Variants in SLC13A1 observed in about 807,000 individuals in gnomAD.
The protein encoded by SLC13A1 is solute carrier family 13 member 1, also known as Na(+)/sulfate cotransporter.
Under a neutral mutation model 70.0 loss-of-function variants are expected in SLC13A1, and 65 were observed. That is an observed-to-expected ratio of 0.93 (90% CI 0.76 to 1.14). The LOEUF (loss-of-function observed/expected upper bound fraction) is 1.14, where lower values mean the gene tolerates loss of function less well. SLC13A1 is among the 50% of genes most tolerant of loss of function. The probability of loss-of-function intolerance (pLI) is 0.00; values close to 1 mark genes in which losing one functional copy is unlikely to be tolerated. For synonymous variants in SLC13A1, 275 were observed against 250.5 expected, an observed-to-expected ratio of 1.10 and a Z score of -0.92; for missense variants, 726 against 717.8, an observed-to-expected ratio of 1.01 and a Z score of -0.13.
In SLC13A1 at chr7:123,183,337, CTG is replaced by C. The variant is rs946663240; in HGVS notation, c.100-2238_100-2237del. Among the ~76,000 whole-genome samples, 57 of 152,142 alleles carry C rather than the reference CTG, an allele frequency of 3.7e-4. 1 individual carries two copies. The highest frequency in any genetic ancestry group is 1.3e-3 in the African/African-American group (55 of 41,442). On this transcript the variant is annotated intron_variant, in intron 1 of 14. Coordinates refer to ENST00000194130, the MANE Select transcript of SLC13A1 (RefSeq NM_022444.4). ...TGAATTCCTGCCTTCTCTTAACAAA[CTG>C]AGATATTTGGTAACACTGGGATCAT...
At position 123,128,930 on chromosome 7, in the gene SLC13A1, T is replaced by A; in HGVS notation, c.1048A>T (p.Thr350Ser). 2.5e-6 allele frequency: 4 copies of A among 1,612,580 alleles called. No homozygotes were observed. The highest frequency in any genetic ancestry group is 3.4e-6 in the Non-Finnish European group (4 of 1,178,996). Residue 350 changes from threonine (T) to serine (S), a missense_variant, in exon 10 of 15, where the codon ACC (threonine) becomes TCC (serine). Physicochemically the swap from Thr to Ser is moderately conservative, Grantham distance 58 (BLOSUM62 1). Coordinates refer to ENST00000194130, the MANE Select transcript of SLC13A1 (RefSeq NM_022444.4). ...GCCATTATAATGAAGAGGACCAAGG[T>A]CACAATTTCTTGATACCTGTGGAAA... ...LGPIRYQEIV[T>S]LVLFIIMALL...
intron 6 of SLC13A1, among the ~76,000 whole-genome samples, chr7:123,147,578 C>T (rs1794405645): frequency 6.6e-6 from 1 of 151,802 alleles, no homozygotes; most frequent in African/African-American, 2.4e-5. Flanking sequence ...TGGAAAAAGC[C>T]ACAAGAAGGC....
At chr7:123,150,816 C>A (rs1794528948) in intron 6 of SLC13A1, among the ~76,000 whole-genome samples, 1 of 152,092 alleles carries the variant, frequency 6.6e-6, no homozygotes, top group African/African-American at 2.4e-5. Context: ...GCCTGTTTTT[C>A]TGTCTCCCTT....
chr7:123,135,738 T>C (rs1356996525), intron 7 of SLC13A1, among the ~76,000 whole-genome samples: 1 of 152,182 alleles, frequency 6.6e-6, no homozygotes, highest in East Asian at 1.9e-4. Context: ...AGGTTTTCTA[T>C]CATTTTCTTT....
chr7:123,133,603 T>G (rs1793843533), intron 8 of SLC13A1, among the ~76,000 whole-genome samples: 1 of 152,124 alleles, frequency 6.6e-6, no homozygotes, highest in African/African-American at 2.4e-5. Flanking sequence ...AATGGCGAGA[T>G]CTTGGCTCAC....
chr7:123,155,382 T>TTGATTCTC (rs1210770952), intron 6 of SLC13A1, among the ~76,000 whole-genome samples: 1 of 152,034 alleles, frequency 6.6e-6, no homozygotes, highest in East Asian at 1.9e-4. Context: ...TTTTGCCTTC[T>TTGATTCTC]TGATTCTCTT....
intron 11 of SLC13A1, among the ~76,000 whole-genome samples, chr7:123,123,919 C>A (rs1793473395): frequency 6.6e-6 from 1 of 152,082 alleles, no homozygotes; most frequent in South Asian, 2.1e-4. Flanking sequence ...AACAGGCAGC[C>A]TTCTACATGG....
rs756574544 is a variant in SLC13A1 at position 123,117,622 on chromosome 7, TAA to T, written c.1513-16_1513-15del. 1 of 1,491,284 alleles carries T rather than the reference TAA, an allele frequency of 6.7e-7. No homozygotes were observed. Among genetic ancestry groups the T allele is most frequent in the Admixed American group, 2.0e-5 (1 of 49,004 alleles). 92.4% of individuals were successfully genotyped at this position (1,491,284 alleles called of 1,614,324 possible). A position where few individuals can be genotyped will look rare whatever the true frequency, so the allele number is the denominator to read the frequency against. ...AATGGCTTCGGCCTGTTGTAAGAGATAAAAAAGAGTCTAAGTAAAATTTTGAG... is the reference window on the plus strand; with the variant it reads ...AATGGCTTCGGCCTGTTGTAAGAGATAAAAGAGTCTAAGTAAAATTTTGAG... On this transcript the variant is annotated splice_polypyrimidine_tract_variant and intron_variant, in intron 13 of 14. Coordinates refer to ENST00000194130, the MANE Select transcript of SLC13A1 (RefSeq NM_022444.4).
At chr7:123,141,462 T>C (rs1377057900) in intron 7 of SLC13A1, among the ~76,000 whole-genome samples, 1 of 152,186 alleles carries the variant, frequency 6.6e-6, no homozygotes, top group Non-Finnish European at 1.5e-5. Flanking sequence ...AATGTTTCTT[T>C]GTTGATTTTC....
intron 1 of SLC13A1, chr7:123,186,751 T>C (rs1169561514): frequency 2.2e-6 from 1 of 456,056 alleles, no homozygotes; most frequent in East Asian, 7.0e-5. Context: ...CAACTTACTC[T>C]GCAACCGTAA....
intron 6 of SLC13A1, chr7:123,148,414 A>G (rs1794437382): frequency 2.3e-6 from 1 of 442,212 alleles, no homozygotes; most frequent in Admixed American, 2.5e-5. Flanking sequence ...ACCTTGGACA[A>G]TGGCACATCC....
chr7:123,199,442 G>C (rs889045473), intron 1 of SLC13A1, among the ~76,000 whole-genome samples: 1 of 152,032 alleles, frequency 6.6e-6, no homozygotes, highest in African/African-American at 2.4e-5. Context: ...CTGGACCTAG[G>C]ATTTCCCTTG....
rs891312011 is a variant in SLC13A1 at position 123,114,985 on chromosome 7, G to A, written c.*533C>T. On this transcript the variant is annotated 3_prime_UTR_variant, in exon 15 of 15. Transcript: ENST00000194130. The stretch of plus-strand genomic sequence containing the variant: ...AATAATCCAATTGGATTTTTTAAAT[G>A]AGGAAATGCACATATCATTTAGATT... 1.3e-5 allele frequency: 2 copies of A among 152,080 alleles called. No homozygotes were observed. Among genetic ancestry groups the A allele is most frequent in the African/African-American group, 4.8e-5 (2 of 41,394 alleles). 9.4% of individuals were successfully genotyped at this position (152,080 alleles called of 1,614,324 possible). A position where few individuals can be genotyped will look rare whatever the true frequency, so the allele number is the denominator to read the frequency against.
intron 1 of SLC13A1, among the ~76,000 whole-genome samples, chr7:123,184,214 T>C (rs1022348679): frequency 1.3e-5 from 2 of 152,166 alleles, no homozygotes; most frequent in Admixed American, 1.3e-4. Flanking sequence ...TATCTATGCA[T>C]AGTGGAATGA....
chr7:123,129,656 T>A (rs1321635557), intron 8 of SLC13A1, among the ~76,000 whole-genome samples, 175 bp from the exon 9 acceptor site: 1 of 152,136 alleles, frequency 6.6e-6, no homozygotes, highest in Non-Finnish European at 1.5e-5. Context: ...CTCCACCTCC[T>A]TTTTTGAATG....
At chr7:123,133,476 T>A (rs536865979) in intron 8 of SLC13A1, among the ~76,000 whole-genome samples, 1 of 152,300 alleles carries the variant, frequency 6.6e-6, no homozygotes, top group South Asian at 2.1e-4. Flanking sequence ...CCCTTCAATA[T>A]CTTATCATCT....
rs897516694 is a variant in SLC13A1 at position 123,171,875 on chromosome 7, G to A, written c.258C>T (p.His86=). Residue 86 remains histidine (H), a synonymous_variant, in exon 3 of 15, where the codon CAC becomes CAT. Coordinates refer to ENST00000194130, the MANE Select transcript of SLC13A1 (RefSeq NM_022444.4). ...AACAGATAACTCCAATTAGCAGTAA[G>A]TGAAAATCCTTGAAATAAGCAGATG... ...KVASAYFKDF[H]LLLIGVICLA... The A allele has an allele frequency of 1.9e-6, 3 of 1,613,040 alleles. No individual in the cohort carries two copies. The African/African-American group carries it at 4.0e-5, about 22-fold the overall frequency.
chr7:123,153,156 T>C (rs1202898667), intron 6 of SLC13A1, among the ~76,000 whole-genome samples: 1 of 152,018 alleles, frequency 6.6e-6, no homozygotes, highest in African/African-American at 2.4e-5. Context: ...CTGGATGATA[T>C]AAAACAAAAA....
chr7:123,169,005 T>G, intron 4 of SLC13A1, 143 bp downstream of exon 4: 1 of 677,816 alleles, frequency 1.5e-6, no homozygotes, highest in East Asian at 2.7e-5. Flanking sequence ...TTTTTGTAGA[T>G]ACTGAGAACT....
Sources: gnomAD v4.1 joint callset for allele counts (sites outside exome capture counted in the v4.1 genomes callset) on GRCh38, gnomAD v4.1.1 for gene constraint, MANE v1.5 for transcripts, NCBI Gene and HGNC (gene_info 2026-07-23, HGNC 2026-07-21) for gene names.